The following MGST1 variants were observed in gnomAD, a reference collection of about 807,000 sequenced individuals.
The protein encoded by MGST1 is microsomal glutathione S-transferase 1, also known as glutathione S-transferase 12.
MGST1 carries 5 observed loss-of-function variants against 8.9 expected under a neutral mutation model. The observed-to-expected ratio is 0.56, with a 90% CI of 0.29 to 1.19. MGST1 has a LOEUF of 1.19. Among genes scored for constraint, MGST1 ranks in the 50% most tolerant of loss-of-function variants. The probability of loss-of-function intolerance (pLI) is 0.08; values close to 1 mark genes in which losing one functional copy is unlikely to be tolerated. For missense variants in MGST1, 182 were observed against 187.4 expected, an observed-to-expected ratio of 0.97 and a Z score of 0.17; for synonymous variants, 54 against 67.8, an observed-to-expected ratio of 0.80 and a Z score of 1.00.
chr12:16,516,928 G>A (rs1449443886), intron 4 of MGST1, among the ~76,000 whole-genome samples: 2 of 152,156 alleles, frequency 1.3e-5, no homozygotes, highest in Non-Finnish European at 2.9e-5. Flanking sequence ...CTTACAATTA[G>A]CGAGTGTGCC....
At chr12:16,460,586 A>C (rs1941210587) in intron 4 of MGST1, among the ~76,000 whole-genome samples, 1 of 147,660 alleles carries the variant, frequency 6.8e-6, no homozygotes, top group African/African-American at 2.5e-5. Context: ...GTAGGCATCT[A>C]ATTCAGGTCA....
At position 16,483,556 on chromosome 12, in the gene MGST1, T is replaced by A. The variant is rs547949880; in HGVS notation, n.482+99952T>A. On this transcript the variant is annotated intron_variant and non_coding_transcript_variant, in intron 4 of 4. Transcript: ENST00000538857. ...AAAAGTTGACATAGATATATTAATA[T>A]CAGACAAAATAGAAATGAAGGCAAA... Among the ~76,000 whole-genome samples, 519 of 152,130 alleles carry A rather than the reference T, an allele frequency of 3.4e-3. 3 individuals carry two copies. The highest frequency in any genetic ancestry group is 0.012 in the African/African-American group (504 of 41,520).
At chr12:16,583,640 A>T (rs1275514740) in intron 4 of MGST1, among the ~76,000 whole-genome samples, 1 of 152,234 alleles carries the variant, frequency 6.6e-6, no homozygotes, top group Non-Finnish European at 1.5e-5. Context: ...CAAACCTGAT[A>T]AAAAACATCA....
chr12:16,436,702 T>G (rs1334360905), intron 1 of MGST1, among the ~76,000 whole-genome samples: 1 of 151,996 alleles, frequency 6.6e-6, no homozygotes, highest in Non-Finnish European at 1.5e-5. Context: ...CACAAGAGCC[T>G]TATTGAAATA....
At chr12:16,516,396 G>A (rs11056972) in intron 4 of MGST1, among the ~76,000 whole-genome samples, 50,637 of 152,054 alleles carry the variant, frequency 0.33, 9,014 homozygotes, top group Non-Finnish European at 0.41. Flanking sequence ...CACCTGGCAG[G>A]GACCTGAGAG....
chr12:16,493,019 A>G (rs1941449428), intron 4 of MGST1, among the ~76,000 whole-genome samples: 1 of 152,154 alleles, frequency 6.6e-6, no homozygotes, highest in African/African-American at 2.4e-5. Context: ...TCCCCCGAGG[A>G]ATGCACATGT....
chr12:16,590,518 C>G (rs1943460439), downstream of MGST1, among the ~76,000 whole-genome samples: 1 of 151,910 alleles, frequency 6.6e-6, no homozygotes, highest in South Asian at 2.1e-4. Flanking sequence ...TATCACCCCT[C>G]AGACCTAGAA....
chr12:16,378,540 G>T (rs1289954732), downstream of MGST1, among the ~76,000 whole-genome samples: 1 of 151,944 alleles, frequency 6.6e-6, no homozygotes, highest in Non-Finnish European at 1.5e-5. Context: ...TGCTGTTTTG[G>T]TTACTGTAGC....
At chr12:16,501,626 A>G (rs536789732) in intron 4 of MGST1, among the ~76,000 whole-genome samples, 1 of 152,310 alleles carries the variant, frequency 6.6e-6, no homozygotes, top group South Asian at 2.1e-4. Context: ...TTATTAGGAA[A>G]TTTCATTTGA....
At chr12:16,372,709 T>C (rs1032105021) in intron 3 of MGST1, among the ~76,000 whole-genome samples, 4 of 151,800 alleles carry the variant, frequency 2.6e-5, no homozygotes, top group Non-Finnish European at 5.9e-5. Context: ...ATCAGTATAT[T>C]AAAGAGATAT....
chr12:16,569,814 G>C (rs1942749987), intron 4 of MGST1, among the ~76,000 whole-genome samples: 1 of 151,900 alleles, frequency 6.6e-6, no homozygotes, highest in African/African-American at 2.4e-5. Context: ...AAAGGGAGAA[G>C]GGAAAAAGAA....
chr12:16,389,141 C>T lies in MGST1; in HGVS notation n.778+5537C>T, dbSNP rs1178513443. ...ACTGGGATTCGTTTTAATAATTAGC[C>T]ATAGTGACACCTAGGTGATAGATAA... On this transcript the variant is annotated intron_variant and non_coding_transcript_variant, in intron 1 of 1. Coordinates refer to the MGST1 transcript ENST00000359720. The surrounding 1 kb of genome is among the most constrained non-coding windows in gnomAD (Gnocchi z 4.6). Among the ~76,000 whole-genome samples the T allele has an allele frequency of 2.0e-5, 3 of 152,174 alleles. No individual in the cohort carries two copies. Among genetic ancestry groups the T allele is most frequent in the Non-Finnish European group, 4.4e-5 (3 of 68,038 alleles).
downstream of MGST1, among the ~76,000 whole-genome samples, chr12:16,441,678 T>C (rs1392883766): frequency 6.6e-6 from 1 of 151,880 alleles, no homozygotes; most frequent in Non-Finnish European, 1.5e-5. Context: ...CATTTCTTTT[T>C]AGTGCTGAAT....
exon 1 of MGST1, chr12:16,383,113 C>G (rs1430271122): frequency 6.6e-6 from 1 of 152,496 alleles, no homozygotes; most frequent in South Asian, 2.1e-4. Context: ...CGATGCCTCG[C>G]CTTGCTTTGG....
chr12:16,581,599 C>T (rs1164966859), intron 4 of MGST1, among the ~76,000 whole-genome samples: 1 of 152,144 alleles, frequency 6.6e-6, no homozygotes, highest in African/African-American at 2.4e-5. Context: ...ATTCTGTTGA[C>T]TTTCTTTCAC....
chr12:16,534,333 T>C (rs1451332232), intron 4 of MGST1, among the ~76,000 whole-genome samples: 1 of 152,186 alleles, frequency 6.6e-6, no homozygotes, highest in Non-Finnish European at 1.5e-5. Flanking sequence ...CTCCCCAAAT[T>C]CTTTGGCAAT....
chr12:16,399,680 GA>G, intron 1 of MGST1: 1 of 1,461,766 alleles, frequency 6.8e-7, no homozygotes, highest in Non-Finnish European at 9.6e-7. Context: ...CACCTTGTTC[GA>G]AAAAGCCCTC....
chr12:16,454,591 G>C (rs1941155073), intron 4 of MGST1, among the ~76,000 whole-genome samples: 1 of 151,732 alleles, frequency 6.6e-6, no homozygotes, highest in Non-Finnish European at 1.5e-5. Context: ...GATTCAGATT[G>C]GTTTATTTGA....
chr12:16,471,993 A>G (rs142689319), intron 4 of MGST1, among the ~76,000 whole-genome samples: 73 of 152,086 alleles, frequency 4.8e-4, no homozygotes, highest in Non-Finnish European at 6.3e-4. Flanking sequence ...ACATTTCCCC[A>G]GTGCTCCAGG....
Sources: gnomAD v4.1 joint callset for allele counts (sites outside exome capture counted in the v4.1 genomes callset) on GRCh38, gnomAD v4.1.1 for gene constraint, Gnocchi (gnomAD v3.1) non-coding constraint, MANE v1.5 for transcripts, NCBI Gene and HGNC (gene_info 2026-07-23, HGNC 2026-07-21) for gene names.